CLASP2: variants seen among roughly 807,000 people sequenced by gnomAD.
The protein encoded by CLASP2 is cytoplasmic linker associated protein 2, also known as CLIP-associating protein 2.
A neutral mutation model predicts 194.4 loss-of-function variants in CLASP2; 47 were observed. That is an observed-to-expected ratio of 0.24 (90% CI 0.19 to 0.31). The LOEUF (loss-of-function observed/expected upper bound fraction) is 0.31, where lower values mean the gene tolerates loss of function less well. Among genes scored for constraint, CLASP2 ranks in the 10% least tolerant of loss-of-function variants. The pLI is 1.00. For missense variants in CLASP2, 1,445 were observed against 1,823.6 expected (o/e 0.79, Z 3.78); for synonymous variants, 619 against 633.5 (o/e 0.98, Z 0.34).
chr3:33,506,399 A>C (rs1172797088), intron 37 of CLASP2, among the ~76,000 whole-genome samples: 2 of 149,874 alleles, frequency 1.3e-5, no homozygotes, highest in East Asian at 3.9e-4. Flanking sequence ...AAAAAAAAAA[A>C]AAAAAAAGAA....
chr3:33,577,839 T>C (rs2065220964), intron 23 of CLASP2, among the ~76,000 whole-genome samples: 1 of 152,164 alleles, frequency 6.6e-6, no homozygotes. Flanking sequence ...CCTTCTAACA[T>C]TTGAAAACAC....
intron 37 of CLASP2, chr3:33,505,276 C>T (rs1298698538): frequency 4.1e-5 from 6 of 146,484 alleles, no homozygotes; most frequent in African/African-American, 1.3e-4. Context: ...CAAAACATAA[C>T]CACAATTTTT....
intron 23 of CLASP2, among the ~76,000 whole-genome samples, chr3:33,580,853 A>G (rs1380419660): frequency 1.3e-5 from 2 of 151,516 alleles, no homozygotes; most frequent in Non-Finnish European, 2.9e-5. Flanking sequence ...GTCTCTACTG[A>G]AAATACAAAA....
At chr3:33,640,975 C>T (rs1330702897) in intron 8 of CLASP2, among the ~76,000 whole-genome samples, 1 of 151,846 alleles carries the variant, frequency 6.6e-6, no homozygotes, top group African/African-American at 2.4e-5. Flanking sequence ...CTAAAAGAAA[C>T]CTTATTTACC....
chr3:33,687,547 T>C (rs2090837511), intron 4 of CLASP2, among the ~76,000 whole-genome samples: 2 of 152,196 alleles, frequency 1.3e-5, no homozygotes, highest in African/African-American at 2.4e-5. Flanking sequence ...TTTATGCTTA[T>C]GGCAGGAGAG....
intron 7 of CLASP2, among the ~76,000 whole-genome samples, chr3:33,653,667 T>C (rs1363787328): frequency 6.6e-6 from 1 of 152,134 alleles, no homozygotes; most frequent in Non-Finnish European, 1.5e-5. Flanking sequence ...ATGAGTACCA[T>C]GTGCACATAC....
At chr3:33,677,472 C>T (rs1208483358) in intron 6 of CLASP2, among the ~76,000 whole-genome samples, 4 of 148,630 alleles carry the variant, frequency 2.7e-5, no homozygotes, top group Admixed American at 1.4e-4. Context: ...CCAAACACCG[C>T]GTATTCTCAC....
intron 10 of CLASP2, among the ~76,000 whole-genome samples, chr3:33,624,751 G>A (rs1415711484): frequency 6.6e-6 from 1 of 152,036 alleles, no homozygotes; most frequent in African/African-American, 2.4e-5. Flanking sequence ...TCCTGGCCAT[G>A]GTTGACCATG....
rs971351330 is a variant in CLASP2, at chr3:33,571,508, G to A, written c.2700-718C>T. On this transcript the variant is annotated intron_variant, in intron 25 of 38. Coordinates refer to ENST00000682230, the MANE Select transcript of CLASP2 (RefSeq NM_001365631.1). ...AGCTGCGCTGGTCATGGTGGCACAC[G>A]TCTATAATCCCAGCTACTCGGGAGG... Among the ~76,000 whole-genome samples the A allele has an allele frequency of 4.0e-5, 6 of 151,794 alleles. No individual in the cohort carries two copies. The South Asian group carries it at 1.0e-3, about 26-fold the overall frequency.
intron 7 of CLASP2, among the ~76,000 whole-genome samples, chr3:33,649,329 C>T (rs910906474): frequency 3.9e-5 from 6 of 152,134 alleles, no homozygotes; most frequent in African/African-American, 2.4e-5. Context: ...ACTTATTTTG[C>T]TTATCTGTGT....
Position 33,602,937 on chromosome 3 carries a change from A to C in CLASP2, c.1924+15T>G, listed in dbSNP as rs762518501. 2 of 1,602,868 alleles carry C rather than the reference A, an allele frequency of 1.2e-6. No homozygotes were observed. The highest frequency in any genetic ancestry group is 2.2e-5 in the South Asian group (2 of 88,934). ...GAGAGAACATGGTACAATTTTCCATAATCAGTTCTCTTACCTAGTGACGCA... is the reference window on the plus strand; with the variant it reads ...GAGAGAACATGGTACAATTTTCCATCATCAGTTCTCTTACCTAGTGACGCA... On this transcript the variant is annotated intron_variant, in intron 18 of 38. Coordinates refer to ENST00000682230, the MANE Select transcript of CLASP2 (RefSeq NM_001365631.1).
chr3:33,695,112 C>T (rs2091738609), intron 2 of CLASP2, among the ~76,000 whole-genome samples: 1 of 148,362 alleles, frequency 6.7e-6, no homozygotes, highest in Non-Finnish European at 1.5e-5. Context: ...TTGCCCAGGG[C>T]TTGGTGGTGC....
chr3:33,574,546 T>G (rs2064429782), intron 24 of CLASP2: 7 of 1,206,976 alleles, frequency 5.8e-6, no homozygotes, highest in Non-Finnish European at 8.2e-6. Context: ...ATGAAGAACA[T>G]TTTGCTAATC....
intron 20 of CLASP2, among the ~76,000 whole-genome samples, chr3:33,593,998 C>G (rs1488895810): frequency 6.6e-6 from 1 of 152,048 alleles, no homozygotes; most frequent in African/African-American, 2.4e-5. Flanking sequence ...ACGGTGCCAC[C>G]ACACCCAGCT....
chr3:33,682,464 C>G (rs1575558656), intron 6 of CLASP2, among the ~76,000 whole-genome samples: 1 of 152,228 alleles, frequency 6.6e-6, no homozygotes, highest in East Asian at 1.9e-4. Context: ...AATGAAGGTT[C>G]ATTATTTTAT....
At chr3:33,587,710 G>C (rs572017052) in intron 21 of CLASP2, among the ~76,000 whole-genome samples, 31 of 152,204 alleles carry the variant, frequency 2.0e-4, no homozygotes, top group African/African-American at 7.5e-4. Flanking sequence ...ATTTCTTTCA[G>C]TTATAACCTT....
At chr3:33,617,643 G>C (rs1165116995) in intron 12 of CLASP2, among the ~76,000 whole-genome samples, 6 of 151,600 alleles carry the variant, frequency 4.0e-5, no homozygotes, top group Non-Finnish European at 8.8e-5. Flanking sequence ...TCAGACTGTA[G>C]AAAATACCAC....
At chr3:33,699,715 C>CAAT (rs1024299363) in intron 1 of CLASP2, among the ~76,000 whole-genome samples, 20 of 151,894 alleles carry the variant, frequency 1.3e-4, no homozygotes, top group South Asian at 1.0e-3. Context: ...AAAAGATTAA[C>CAAT]AATAATAAAG....
At chr3:33,672,316 C>G (rs1442399951) in intron 6 of CLASP2, among the ~76,000 whole-genome samples, 1 of 152,214 alleles carries the variant, frequency 6.6e-6, no homozygotes, top group African/African-American at 2.4e-5. Context: ...GCCACCACTG[C>G]TGATACCCAG....
Sources: allele counts gnomAD v4.1 joint callset (sites outside exome capture counted in the v4.1 genomes callset), GRCh38; gene constraint gnomAD v4.1.1; transcripts MANE v1.5; gene names NCBI Gene and HGNC (gene_info 2026-07-23, HGNC 2026-07-21).